Variants in KATNAL1 observed in about 807,000 individuals in gnomAD.
KATNAL1 encodes the protein katanin p60 ATPase-containing subunit A-like 1.
A neutral mutation model predicts 55.2 loss-of-function variants in KATNAL1; 32 were observed. The ratio of observed to expected loss-of-function variants is 0.58; its 90% CI spans 0.44 to 0.78. The LOEUF is 0.78. Ranked by LOEUF, KATNAL1 falls within the 30% of genes least tolerant of loss-of-function variation. KATNAL1 has a pLI of 0.00. For missense variants in KATNAL1, 466 were observed against 600.9 expected (o/e 0.78, Z 2.35); for synonymous variants, 193 against 193.6 (o/e 1.00, Z 0.02).
intron 9 of KATNAL1, among the ~76,000 whole-genome samples, chr13:30,216,702 G>A (rs531771214): frequency 6.6e-6 from 1 of 152,320 alleles, no homozygotes; most frequent in African/African-American, 2.4e-5. Flanking sequence ...GAGAGAAAGG[G>A]GTGAGGGGAG....
chr13:30,260,087 G>A (rs1454506139), intron 3 of KATNAL1, among the ~76,000 whole-genome samples: 1 of 152,170 alleles, frequency 6.6e-6, no homozygotes, highest in Non-Finnish European at 1.5e-5. Flanking sequence ...CAGCCTAACT[G>A]GGAGGTACCC....
At chr13:30,240,695 T>G in intron 5 of KATNAL1, 130 bp from the exon 6 acceptor site, 1 of 707,324 alleles carries the variant, frequency 1.4e-6, no homozygotes. Flanking sequence ...TAATTCTTAC[T>G]GCATAAAAAG....
intron 8 of KATNAL1, among the ~76,000 whole-genome samples, chr13:30,230,267 T>G (rs1875960927): frequency 6.6e-6 from 1 of 152,234 alleles, no homozygotes; most frequent in Non-Finnish European, 1.5e-5. Context: ...TTTTTCTTTG[T>G]AACCTCAGAA....
intron 3 of KATNAL1, among the ~76,000 whole-genome samples, chr13:30,262,010 C>T (rs1879333129): frequency 6.6e-6 from 1 of 152,100 alleles, no homozygotes; most frequent in Non-Finnish European, 1.5e-5. Context: ...GAAATTATAA[C>T]AAACTATCTC....
At chr13:30,212,655 A>G (rs993166568) in intron 9 of KATNAL1, among the ~76,000 whole-genome samples, 1 of 152,260 alleles carries the variant, frequency 6.6e-6, no homozygotes, top group African/African-American at 2.4e-5. Flanking sequence ...CACTCCTAGG[A>G]TGGAATGCTC....
chr13:30,228,933 T>C (rs184511514), intron 8 of KATNAL1, among the ~76,000 whole-genome samples: 52 of 152,270 alleles, frequency 3.4e-4, no homozygotes, highest in African/African-American at 1.2e-3. Context: ...TTAAAGTTTT[T>C]GCTACGTTAA....
chr13:30,298,088 TTAA>T (rs1393817148), intron 1 of KATNAL1, among the ~76,000 whole-genome samples: 4 of 152,266 alleles, frequency 2.6e-5, no homozygotes, highest in Non-Finnish European at 5.9e-5. Context: ...TATTGCACAC[TTAA>T]TAAACTATAG....
At chr13:30,274,337 C>CT (rs1487924376) in intron 3 of KATNAL1, among the ~76,000 whole-genome samples, 1 of 152,170 alleles carries the variant, frequency 6.6e-6, no homozygotes, top group African/African-American at 2.4e-5. Flanking sequence ...GTTAATCTCT[C>CT]TGAGTACCCA....
In KATNAL1 at chr13:30,206,310, A is replaced by T. The variant is rs1024151291; in HGVS notation, c.*2230T>A. On this transcript the variant is annotated 3_prime_UTR_variant, in exon 11 of 11. Coordinates refer to ENST00000380615, the MANE Select transcript of KATNAL1 (RefSeq NM_032116.5). ...TAAATAAATAAATAAAATAAAATAA[A>T]ATAAAAGTTAAATAGAACACCTGAG... 8 of 151,866 alleles carry T rather than the reference A, an allele frequency of 5.3e-5. No individual in the cohort carries two copies. The highest frequency in any genetic ancestry group is 1.9e-4 in the African/African-American group (8 of 41,340). 9.4% of individuals were successfully genotyped at this position (151,866 alleles called of 1,614,324 possible).
chr13:30,272,899 A>C (rs1016122514), intron 3 of KATNAL1, among the ~76,000 whole-genome samples: 12 of 152,170 alleles, frequency 7.9e-5, no homozygotes, highest in African/African-American at 2.9e-4. Flanking sequence ...TCTTGCTTAC[A>C]TTTTTCTCCT....
chr13:30,222,609 T>C (rs1476750274), intron 9 of KATNAL1, among the ~76,000 whole-genome samples: 1 of 151,990 alleles, frequency 6.6e-6, no homozygotes, highest in Non-Finnish European at 1.5e-5. Flanking sequence ...ACTGCTAAAA[T>C]AAATATAGTC....
At chr13:30,295,166 T>C (rs1436213678) in intron 1 of KATNAL1, among the ~76,000 whole-genome samples, 1 of 152,228 alleles carries the variant, frequency 6.6e-6, no homozygotes, top group African/African-American at 2.4e-5. Context: ...AATACATTTT[T>C]TAAGGCTATA....
chr13:30,209,283 A>G (rs1873433073), intron 10 of KATNAL1, among the ~76,000 whole-genome samples: 1 of 152,246 alleles, frequency 6.6e-6, no homozygotes, highest in Admixed American at 6.5e-5. Flanking sequence ...TCTTTGACCA[A>G]CTATAAATAA....
At chr13:30,226,281 C>A (rs978993505) in intron 9 of KATNAL1, among the ~76,000 whole-genome samples, 11 of 151,960 alleles carry the variant, frequency 7.2e-5, no homozygotes, top group Non-Finnish European at 1.5e-5. Flanking sequence ...TTATATTATC[C>A]AAAAGAATTG....
At chr13:30,236,020 T>C (rs576855407) in intron 6 of KATNAL1, among the ~76,000 whole-genome samples, 4 of 152,200 alleles carry the variant, frequency 2.6e-5, no homozygotes, top group Non-Finnish European at 5.9e-5. Context: ...ATTCATTAAA[T>C]GGAAGTGTAT....
At chr13:30,227,310 C>T (rs1875595193) in intron 9 of KATNAL1, 102 bp downstream of exon 9, 2 of 1,110,616 alleles carry the variant, frequency 1.8e-6, no homozygotes, top group African/African-American at 1.6e-5. Context: ...TTTTGTGATG[C>T]TATAAACTTC....
intron 4 of KATNAL1, 52 bp from the exon 5 acceptor site, chr13:30,241,138 A>G (rs755482383): frequency 6.8e-7 from 1 of 1,472,752 alleles, no homozygotes; most frequent in Non-Finnish European, 9.4e-7. Context: ...TAATTTAGTT[A>G]ACATCATTAC....
intron 4 of KATNAL1, among the ~76,000 whole-genome samples, chr13:30,241,954 T>C (rs1175213838): frequency 1.3e-5 from 2 of 152,208 alleles, no homozygotes; most frequent in East Asian, 1.9e-4. Context: ...ATTAAATTTA[T>C]TAGTAAATTT....
At position 30,268,799 on chromosome 13, in the gene KATNAL1, C is replaced by T. The variant is rs540661315; in HGVS notation, c.323+11264G>A. ...ATAGTGAAATGCAAGAAATGGTAAACAAAACCATTGGCAAACGCATGAATA... is the reference window on the plus strand; with the variant it reads ...ATAGTGAAATGCAAGAAATGGTAAATAAAACCATTGGCAAACGCATGAATA... On this transcript the variant is annotated intron_variant, in intron 3 of 10. Transcript: ENST00000380615. Among the ~76,000 whole-genome samples, 7 of 152,218 alleles carry T rather than the reference C, an allele frequency of 4.6e-5. 1 individual carries two copies. In the South Asian group the frequency reaches 1.2e-3, roughly 27 times the overall value.
Sources: gnomAD v4.1 joint callset for allele counts (sites outside exome capture counted in the v4.1 genomes callset) on GRCh38, gnomAD v4.1.1 for gene constraint, MANE v1.5 for transcripts, NCBI Gene and HGNC (gene_info 2026-07-23, HGNC 2026-07-21) for gene names.